The following PIWIL1 variants were observed in gnomAD, a reference collection of about 807,000 sequenced individuals.
The protein encoded by PIWIL1 is piwi like RNA-mediated gene silencing 1.
A neutral mutation model predicts 114.4 loss-of-function variants in PIWIL1; 73 were observed. That is an observed-to-expected ratio of 0.64 (90% CI 0.53 to 0.78). PIWIL1 has a LOEUF of 0.78. Among genes scored for constraint, PIWIL1 ranks in the 30% least tolerant of loss-of-function variants. The pLI is 0.00. For missense variants in PIWIL1, 723 were observed against 1,063.1 expected (o/e 0.68, Z 4.45); for synonymous variants, 375 against 369.0 (o/e 1.02, Z -0.19).
the PIWIL1 span, among the ~76,000 whole-genome samples, chr12:130,382,936 T>A: frequency 6.6e-6 from 1 of 152,196 alleles, no homozygotes; most frequent in Non-Finnish European, 1.5e-5. Context: ...AGTTTACACA[T>A]GTTTGGTTAG....
the PIWIL1 span, among the ~76,000 whole-genome samples, chr12:130,380,141 CCACTTCCCACCCAAGCATTGA>C: frequency 1.7e-5 from 2 of 120,092 alleles, no homozygotes; most frequent in African/African-American, 4.5e-5. Flanking sequence ...CTCCCTCATC[CCACTTCCCACCCAAGCATTGA>C]CAGTTCCTTC....
At chr12:130,420,433 C>T in the PIWIL1 span, among the ~76,000 whole-genome samples, 1 of 152,182 alleles carries the variant, frequency 6.6e-6, no homozygotes, top group Non-Finnish European at 1.5e-5. The surrounding 1 kb of genome is among the most constrained non-coding windows in gnomAD (Gnocchi z 4.3). Context: ...CTCTTTCACC[C>T]AATTTAACAA....
the PIWIL1 span, chr12:130,399,660 G>C: frequency 6.2e-7 from 1 of 1,613,822 alleles, no homozygotes; most frequent in Admixed American, 1.7e-5. Context: ...GATTAAAAAG[G>C]CTAAATAGGT....
chr12:130,352,981 ACAAGT>A (rs1322772410), intron 9 of PIWIL1, among the ~76,000 whole-genome samples: 3 of 152,196 alleles, frequency 2.0e-5, no homozygotes, highest in African/African-American at 7.2e-5. Flanking sequence ...CTTATTTGAA[ACAAGT>A]CAAGAACGGG....
chr12:130,406,482 A>G, the PIWIL1 span, among the ~76,000 whole-genome samples: 149 of 152,332 alleles, frequency 9.8e-4, no homozygotes, highest in African/African-American at 3.3e-3. Flanking sequence ...ATTTTGGCCA[A>G]AATTCAAGAT....
At chr12:130,421,337 C>T in the PIWIL1 span, among the ~76,000 whole-genome samples, 12 of 152,292 alleles carry the variant, frequency 7.9e-5, no homozygotes, top group East Asian at 1.9e-4. Flanking sequence ...ACTGAAAATA[C>T]GGTTTCCTAA....
chr12:130,376,160 C>A (rs2073864788), downstream of PIWIL1, among the ~76,000 whole-genome samples: 1 of 152,208 alleles, frequency 6.6e-6, no homozygotes, highest in Non-Finnish European at 1.5e-5. Flanking sequence ...AGACGTCTCC[C>A]TTAGGCTGTC....
chr12:130,416,549 C>A, the PIWIL1 span, among the ~76,000 whole-genome samples: 1 of 152,202 alleles, frequency 6.6e-6, no homozygotes, highest in Non-Finnish European at 1.5e-5. Context: ...GGACTCCTAC[C>A]TTTTACCATA....
chr12:130,396,011 T>C, the PIWIL1 span: 1 of 35,910 alleles, frequency 2.8e-5, no homozygotes, highest in South Asian at 1.2e-3. Context: ...AAATTATTTT[T>C]GGAAAAAAAA....
At chr12:130,353,505 T>C (rs1311254276) in intron 9 of PIWIL1, among the ~76,000 whole-genome samples, 3 of 152,010 alleles carry the variant, frequency 2.0e-5, no homozygotes, top group Non-Finnish European at 4.4e-5. Context: ...CAGGATATGG[T>C]AGGAAAGAGG....
At chr12:130,393,975 TTG>T in the PIWIL1 span, among the ~76,000 whole-genome samples, 1 of 152,140 alleles carries the variant, frequency 6.6e-6, no homozygotes, top group Non-Finnish European at 1.5e-5. Flanking sequence ...GTTGGGCATT[TTG>T]TGTTTGCTGT....
rs2073313629 is a variant in PIWIL1, at chr12:130,354,634, T to A, written c.1142T>A (p.Met381Lys). ...GGGGGGACACTGCCAGGGCCTGCCATGCTCATTCCTGAGCTCTGCTATCTT... is the reference window on the plus strand; with the variant it reads ...GGGGGGACACTGCCAGGGCCTGCCAAGCTCATTCCTGAGCTCTGCTATCTT... ...GPGGTLPGPA[M>K]LIPELCYLTG... The change falls in exon 10 of 21, where the codon ATG becomes AAG. Residue 381 changes from methionine (M) to lysine (K), a missense_variant. Around this residue, in one of 8 missense-constraint regions of PIWIL1, gnomAD observed 298 missense variants for 420.8 expected, o/e 0.71. Transcript: ENST00000245255. 1 of 1,603,472 alleles carries A rather than the reference T, an allele frequency of 6.2e-7. No individual in the cohort carries two copies. Among genetic ancestry groups the A allele is most frequent in the Admixed American group, 1.8e-5 (1 of 56,990 alleles).
chr12:130,416,693 C>T, the PIWIL1 span, among the ~76,000 whole-genome samples: 1 of 152,172 alleles, frequency 6.6e-6, no homozygotes, highest in Admixed American at 6.5e-5. Flanking sequence ...ACCACAAAAA[C>T]AATTGCCACA....
intron 9 of PIWIL1, among the ~76,000 whole-genome samples, chr12:130,353,120 G>A (rs1176190901): frequency 6.6e-6 from 1 of 152,226 alleles, no homozygotes; most frequent in Non-Finnish European, 1.5e-5. Flanking sequence ...TTAAGGACAT[G>A]CTGTGATGAT....
intron 1 of PIWIL1, among the ~76,000 whole-genome samples, chr12:130,339,011 C>T (rs947444545): frequency 7.9e-5 from 12 of 151,940 alleles, no homozygotes; most frequent in Admixed American, 3.9e-4. Flanking sequence ...TGCAGGAGGG[C>T]CTTCGGGACC....
intron 8 of PIWIL1, 41 bp from the exon 9 acceptor site, chr12:130,349,815 A>G: frequency 8.9e-7 from 1 of 1,128,460 alleles, no homozygotes; most frequent in Non-Finnish European, 1.3e-6. Flanking sequence ...TTAGTTCTTC[A>G]CATTTCCATC....
chr12:130,392,041 T>A, the PIWIL1 span, among the ~76,000 whole-genome samples: 25 of 150,842 alleles, frequency 1.7e-4, no homozygotes, highest in African/African-American at 5.6e-4. Context: ...ACCTGGTGAA[T>A]ATTGAATGTT....
At chr12:130,407,688 G>A in the PIWIL1 span, 4 of 1,490,520 alleles carry the variant, frequency 2.7e-6, no homozygotes, top group African/African-American at 2.8e-5. Context: ...GGAAGGGTGT[G>A]GTTGTGTCCG....
chr12:130,417,783 C>T, the PIWIL1 span, among the ~76,000 whole-genome samples: 454 of 152,318 alleles, frequency 3.0e-3, 3 homozygotes, highest in African/African-American at 0.011. Flanking sequence ...AATCCTAATA[C>T]ATATGCATAT....
Sources: allele counts gnomAD v4.1 joint callset (sites outside exome capture counted in the v4.1 genomes callset), GRCh38; gene constraint gnomAD v4.1.1; regional missense constraint gnomAD v4.1.1; non-coding constraint Gnocchi (gnomAD v3.1); transcripts MANE v1.5; gene names NCBI Gene and HGNC (gene_info 2026-07-23, HGNC 2026-07-21).